LPIN2: variants seen among roughly 807,000 people sequenced by gnomAD.
LPIN2 encodes the protein lipin 2.
Under a neutral mutation model 111.4 loss-of-function variants are expected in LPIN2, and 55 were observed. The observed-to-expected ratio is 0.49, with a 90% confidence interval of 0.40 to 0.62. The LOEUF is 0.62. Ranked by LOEUF, LPIN2 falls within the 20% of genes least tolerant of loss-of-function variation. LPIN2 has a pLI of 0.00. For missense variants in LPIN2, 992 were observed against 1,112.1 expected (o/e 0.89, Z 1.54); for synonymous variants, 425 against 414.0 (o/e 1.03, Z -0.32).
chr18:2,929,257 ATCTG>A (rs745357087), intron 9 of LPIN2, 99 bp from the exon 10 acceptor site: 66 of 839,268 alleles, frequency 7.9e-5, no homozygotes, highest in Non-Finnish European at 1.1e-4. Context: ...GGCTAAAATC[ATCTG>A]TCTAAAAAAA....
intron 3 of LPIN2, among the ~76,000 whole-genome samples, chr18:2,951,824 T>C (rs1316016543): frequency 5.3e-5 from 8 of 152,200 alleles, no homozygotes; most frequent in Non-Finnish European, 1.2e-4. Flanking sequence ...GACGCGAGGA[T>C]GCAGTGATAC....
rs1034451530 is a variant in LPIN2, at chr18:2,919,551, C to T, written c.*742G>A. 1 of 152,566 alleles carries T rather than the reference C, an allele frequency of 6.6e-6. No homozygotes were observed. Among genetic ancestry groups the T allele is most frequent in the Non-Finnish European group, 1.5e-5 (1 of 68,328 alleles). The allele number at this position is 152,566 out of a possible 1,614,324, so 9.5% of individuals were successfully genotyped here. ...TTTGGTCTGTTTTAAGACCCACCTT[C>T]CCACTTTTATTACAGACATCAAATA... On this transcript the variant is annotated 3_prime_UTR_variant, in exon 20 of 20. Transcript: ENST00000677752.
At chr18:2,945,072 G>A (rs1367914456) in intron 4 of LPIN2, among the ~76,000 whole-genome samples, 1 of 152,070 alleles carries the variant, frequency 6.6e-6, no homozygotes, top group Non-Finnish European at 1.5e-5. Context: ...AGAAAAAACT[G>A]CAGAGCTTCA....
intron 1 of LPIN2, among the ~76,000 whole-genome samples, chr18:2,977,829 T>A (rs781191882): frequency 6.6e-6 from 1 of 152,158 alleles, no homozygotes; most frequent in Non-Finnish European, 1.5e-5. Context: ...AGAAACTCAC[T>A]ATTGGAATAT....
At chr18:2,944,791 A>T (rs2077424357) in intron 4 of LPIN2, among the ~76,000 whole-genome samples, 3 of 152,184 alleles carry the variant, frequency 2.0e-5, no homozygotes, top group Non-Finnish European at 4.4e-5. Context: ...ACACCATACA[A>T]ACACATTTAA....
At chr18:2,932,059 G>C (rs934794153) in intron 8 of LPIN2, among the ~76,000 whole-genome samples, 1 of 152,176 alleles carries the variant, frequency 6.6e-6, no homozygotes, top group Admixed American at 6.5e-5. Context: ...AGGAGCTAAA[G>C]ATGAGGTTAC....
At position 2,925,464 on chromosome 18, in the gene LPIN2, C is replaced by T; in HGVS notation, c.1794-96G>A. 1 of 1,525,336 alleles carries T rather than the reference C, an allele frequency of 6.6e-7. No individual in the cohort carries two copies. The highest frequency in any genetic ancestry group is 9.0e-7 in the Non-Finnish European group (1 of 1,107,224). The allele number at this position is 1,525,336 out of a possible 1,614,324, so 94.5% of individuals were successfully genotyped here. On this transcript the variant is annotated intron_variant, in intron 13 of 19. Transcript: ENST00000677752. This position sits in a 1 kb window ranked among gnomAD's most constrained non-coding sequence, Gnocchi z 4.1. ...TCAAGAAAATAAAGATATCCTAAAT[C>T]TTTTCTAGGAATGGGTAGAGTTATC...
At chr18:2,951,979 A>C (rs1286286959) in intron 3 of LPIN2, among the ~76,000 whole-genome samples, 1 of 152,260 alleles carries the variant, frequency 6.6e-6, no homozygotes, top group East Asian at 1.9e-4. Flanking sequence ...GTAGGAATTC[A>C]AAAGAAGAAA....
At chr18:3,000,633 A>G (rs1035387720) in intron 1 of LPIN2, among the ~76,000 whole-genome samples, 3 of 152,214 alleles carry the variant, frequency 2.0e-5, no homozygotes, top group African/African-American at 7.2e-5. Context: ...AGATGATTCT[A>G]CCTGTGGGGA....
chr18:2,978,835 C>T (rs1414337227), intron 1 of LPIN2, among the ~76,000 whole-genome samples: 1 of 152,164 alleles, frequency 6.6e-6, no homozygotes, highest in African/African-American at 2.4e-5. Context: ...CCCCGGTGCA[C>T]GTTGCAGTCA....
chr18:2,946,895 T>C, intron 4 of LPIN2: 2 of 306,012 alleles, frequency 6.5e-6, no homozygotes, highest in Non-Finnish European at 6.3e-6. Context: ...GCATTTCCCG[T>C]AAGACATATG....
At position 2,918,916 on chromosome 18, in the gene LPIN2, C is replaced by T. The variant is rs1365597994; in HGVS notation, c.*1377G>A. The T allele has an allele frequency of 6.6e-6, 1 of 152,220 alleles. No homozygotes were observed. Among genetic ancestry groups the T allele is most frequent in the African/African-American group, 2.4e-5 (1 of 41,464 alleles). 9.4% of individuals were successfully genotyped at this position (152,220 alleles called of 1,614,324 possible). ...GCCAAGCCTGTATCTGCAGATCCCT[C>T]TCTGCTCAGGAACCACCACGTCCTG... On this transcript the variant is annotated 3_prime_UTR_variant, in exon 20 of 20. Transcript: ENST00000677752.
chr18:2,961,857 C>G (rs545550231), intron 1 of LPIN2, among the ~76,000 whole-genome samples: 5 of 152,324 alleles, frequency 3.3e-5, no homozygotes, highest in Non-Finnish European at 5.9e-5. Context: ...AATGCTCCAG[C>G]TAATTCAGAG....
chr18:2,980,655 G>A (rs1380846190), intron 1 of LPIN2, among the ~76,000 whole-genome samples: 1 of 152,214 alleles, frequency 6.6e-6, no homozygotes, highest in African/African-American at 2.4e-5. Flanking sequence ...AGAATTGAGG[G>A]ACACTGCCCT....
intron 3 of LPIN2, among the ~76,000 whole-genome samples, chr18:2,951,745 G>A (rs1777900209): frequency 6.6e-6 from 1 of 152,212 alleles, no homozygotes; most frequent in South Asian, 2.1e-4. Flanking sequence ...AGAACATTCA[G>A]AACAGGAAAA....
chr18:2,938,180 A>G, intron 6 of LPIN2, 143 bp from the exon 7 acceptor site: 1 of 685,236 alleles, frequency 1.5e-6, no homozygotes, highest in Non-Finnish European at 2.5e-6. Context: ...AAAATTCCAT[A>G]ATAAAGTGAG....
chr18:2,945,682 C>T (rs976412398), intron 4 of LPIN2: 35 of 1,356,874 alleles, frequency 2.6e-5, no homozygotes, highest in Non-Finnish European at 3.7e-5. Flanking sequence ...CTTCGCTTTA[C>T]ATCAATCACA....
At chr18:3,008,586 C>A (rs2078552210) in intron 1 of LPIN2, among the ~76,000 whole-genome samples, 1 of 152,180 alleles carries the variant, frequency 6.6e-6, no homozygotes, top group Non-Finnish European at 1.5e-5. Context: ...ATTACCAGTT[C>A]CAACTTTAAA....
chr18:2,990,007 C>A (rs1489767613), intron 1 of LPIN2, among the ~76,000 whole-genome samples: 2 of 151,932 alleles, frequency 1.3e-5, no homozygotes, highest in Non-Finnish European at 2.9e-5. Flanking sequence ...ACTTGAGAGT[C>A]CAGAAATAAA....
Sources: allele counts gnomAD v4.1 joint callset (sites outside exome capture counted in the v4.1 genomes callset), GRCh38; gene constraint gnomAD v4.1.1; non-coding constraint Gnocchi (gnomAD v3.1); transcripts MANE v1.5; gene names NCBI Gene and HGNC (gene_info 2026-07-23, HGNC 2026-07-21).